The following ATP10B variants were observed in gnomAD, a reference collection of about 807,000 sequenced individuals.
ATP10B encodes the protein ATPase phospholipid transporting 10B (putative), also known as phospholipid-transporting ATPase VB.
In ATP10B, 122 loss-of-function variants were observed where a neutral mutation model predicts 141.2. The ratio of observed to expected loss-of-function variants is 0.86; its 90% CI spans 0.75 to 1.00. The LOEUF is 1.00. Ranked by LOEUF, ATP10B falls within the 50% of genes least tolerant of loss-of-function variation. The pLI is 0.00. For missense variants in ATP10B, 1,876 were observed against 1,825.3 expected, an observed-to-expected ratio of 1.03 and a Z score of -0.51; for synonymous variants, 685 against 692.0, an observed-to-expected ratio of 0.99 and a Z score of 0.16.
chr5:160,893,653 G>A, the ATP10B span, among the ~76,000 whole-genome samples: 1 of 152,334 alleles, frequency 6.6e-6, no homozygotes, highest in East Asian at 1.9e-4. Flanking sequence ...TGCCAGCTCT[G>A]AAGAGAGCGG....
chr5:160,605,311 A>G (rs1437396037), intron 19 of ATP10B, among the ~76,000 whole-genome samples: 45 of 152,258 alleles, frequency 3.0e-4, no homozygotes, highest in Non-Finnish European at 5.9e-5. Flanking sequence ...TGCCATAAGT[A>G]GCCTTTATTC....
chr5:160,759,368 G>T (rs571295074), intron 2 of ATP10B, among the ~76,000 whole-genome samples: 15 of 152,172 alleles, frequency 9.9e-5, no homozygotes, highest in Non-Finnish European at 1.9e-4. Context: ...TTTGTATCAT[G>T]AAGGAAACAC....
intron 7 of ATP10B, 143 bp from the exon 8 acceptor site, chr5:160,649,399 GA>G (rs1439015287): frequency 1.5e-5 from 9 of 618,694 alleles, no homozygotes; most frequent in African/African-American, 5.7e-5. Context: ...TAATGTGTCA[GA>G]AAAAAAAGTT....
intron 1 of ATP10B, among the ~76,000 whole-genome samples, chr5:160,792,861 G>A (rs370068060): frequency 3.3e-5 from 5 of 152,180 alleles, no homozygotes; most frequent in East Asian, 1.9e-4. Flanking sequence ...TTTCCAGGAG[G>A]GTGACGTTAA....
intron 24 of ATP10B, among the ~76,000 whole-genome samples, chr5:160,578,031 A>AT (rs952597650): frequency 4.8e-4 from 73 of 151,910 alleles, no homozygotes; most frequent in African/African-American, 1.7e-3. Context: ...TCCATTTCTT[A>AT]TTTTTGCTGG....
intron 21 of ATP10B, 95 bp from the exon 22 acceptor site, chr5:160,599,065 T>C: frequency 9.1e-7 from 1 of 1,093,720 alleles, no homozygotes; most frequent in Non-Finnish European, 1.4e-6. Context: ...GGAGTGGCAG[T>C]TGCCTCATTT....
intron 24 of ATP10B, among the ~76,000 whole-genome samples, chr5:160,584,312 G>A (rs188267843): frequency 7.4e-4 from 112 of 152,020 alleles, no homozygotes; most frequent in Middle Eastern, 3.4e-3. Context: ...TGTGCTTTCC[G>A]GGTGAGGCAA....
At chr5:160,866,242 A>C in the ATP10B span, among the ~76,000 whole-genome samples, 1 of 152,186 alleles carries the variant, frequency 6.6e-6, no homozygotes, top group Non-Finnish European at 1.5e-5. Context: ...AAAGAGAACA[A>C]AATTATGCCC....
At chr5:160,685,367 G>A (rs1763687385) in intron 6 of ATP10B, 2 of 559,356 alleles carry the variant, frequency 3.6e-6, no homozygotes, top group Non-Finnish European at 3.1e-6. Context: ...ACATGACAAG[G>A]AAAGAGCCTG....
At chr5:160,775,837 T>G (rs900504443) in intron 2 of ATP10B, among the ~76,000 whole-genome samples, 3 of 152,034 alleles carry the variant, frequency 2.0e-5, no homozygotes, top group African/African-American at 7.2e-5. Context: ...CCCGCCACCA[T>G]GCCCGGCTAA....
At chr5:160,921,475 C>T in the ATP10B span, among the ~76,000 whole-genome samples, 8 of 152,104 alleles carry the variant, frequency 5.3e-5, no homozygotes, top group African/African-American at 1.7e-4. Flanking sequence ...GACTATCTTC[C>T]CAATCTGAAA....
intron 2 of ATP10B, among the ~76,000 whole-genome samples, chr5:160,770,815 T>C (rs556388061): frequency 6.6e-6 from 1 of 152,336 alleles, no homozygotes; most frequent in Non-Finnish European, 1.5e-5. Flanking sequence ...ATCTAAATAG[T>C]ATTAAGTAAA....
the ATP10B span, among the ~76,000 whole-genome samples, chr5:160,901,880 T>C: frequency 1.3e-5 from 2 of 152,230 alleles, no homozygotes; most frequent in African/African-American, 2.4e-5. Flanking sequence ...CCATGTCTTA[T>C]AGATGACACC....
At chr5:160,911,900 C>T in the ATP10B span, among the ~76,000 whole-genome samples, 16 of 152,230 alleles carry the variant, frequency 1.1e-4, no homozygotes, top group African/African-American at 3.4e-4. Context: ...GATCTTAGAC[C>T]GGTGTCTGGC....
chr5:160,873,190 T>C, the ATP10B span, among the ~76,000 whole-genome samples: 31 of 152,172 alleles, frequency 2.0e-4, no homozygotes, highest in African/African-American at 7.2e-4. Context: ...GTCTCTTGTT[T>C]TGGTTTCATA....
intron 6 of ATP10B, among the ~76,000 whole-genome samples, chr5:160,677,074 G>C (rs1763078394): frequency 6.6e-6 from 1 of 152,124 alleles, no homozygotes; most frequent in African/African-American, 2.4e-5. Flanking sequence ...TCACCTTTTG[G>C]AATTCTGATC....
chr5:160,892,379 C>T, the ATP10B span, among the ~76,000 whole-genome samples: 1 of 152,236 alleles, frequency 6.6e-6, no homozygotes, highest in East Asian at 1.9e-4. Context: ...AACTATGTCC[C>T]CCAAACGTCC....
chr5:160,885,410 T>A, the ATP10B span, among the ~76,000 whole-genome samples: 1 of 152,350 alleles, frequency 6.6e-6, no homozygotes, highest in Middle Eastern at 3.4e-3. Flanking sequence ...TCCCCAGATG[T>A]ATTTGCATGG....
chr5:160,769,379 C>G (rs1769712319), intron 2 of ATP10B, among the ~76,000 whole-genome samples: 1 of 152,130 alleles, frequency 6.6e-6, no homozygotes, highest in South Asian at 2.1e-4. Context: ...CCACATTTCA[C>G]AATTGTGGTA....
Sources: allele counts gnomAD v4.1 joint callset (sites outside exome capture counted in the v4.1 genomes callset), GRCh38; gene constraint gnomAD v4.1.1; transcripts MANE v1.5; gene names NCBI Gene and HGNC (gene_info 2026-07-23, HGNC 2026-07-21).